The following EHBP1 variants were observed in gnomAD, a reference collection of about 807,000 sequenced individuals.
The protein encoded by EHBP1 is EH domain-binding protein 1.
EHBP1 carries 55 observed loss-of-function variants against 144.0 expected under a neutral mutation model. The ratio of observed to expected loss-of-function variants is 0.38; its 90% CI spans 0.31 to 0.48. EHBP1 has a LOEUF of 0.48. Ranked by LOEUF, EHBP1 falls within the 20% of genes least tolerant of loss-of-function variation. EHBP1 has a pLI of 0.98. For missense variants in EHBP1, 1,200 were observed against 1,364.2 expected, an observed-to-expected ratio of 0.88 and a Z score of 1.90; for synonymous variants, 469 against 472.7, an observed-to-expected ratio of 0.99 and a Z score of 0.10.
intron 7 of EHBP1, among the ~76,000 whole-genome samples, chr2:62,840,578 G>A (rs960757794): frequency 2.6e-5 from 4 of 151,454 alleles, no homozygotes; most frequent in South Asian, 4.2e-4. Flanking sequence ...GAAAATTTTC[G>A]CAACCTACTC....
intron 9 of EHBP1, among the ~76,000 whole-genome samples, chr2:62,868,221 T>C (rs1290905108): frequency 1.3e-5 from 2 of 151,768 alleles, no homozygotes; most frequent in Non-Finnish European, 2.9e-5. Context: ...CTAAAAAAAA[T>C]ACAAAAACTT....
intron 19 of EHBP1, among the ~76,000 whole-genome samples, chr2:63,020,430 G>A (rs1392706477): frequency 2.0e-5 from 3 of 150,834 alleles, no homozygotes; most frequent in African/African-American, 7.3e-5. Flanking sequence ...TTGAACCCAG[G>A]AGGTGGAGGT....
intron 7 of EHBP1, among the ~76,000 whole-genome samples, chr2:62,834,607 G>A (rs2047071513): frequency 1.3e-5 from 2 of 152,172 alleles, no homozygotes; most frequent in Non-Finnish European, 2.9e-5. Context: ...TATGCACTGG[G>A]AAGCCAAAAA....
Position 62,891,459 on chromosome 2 carries a change from A to G in EHBP1, c.1185+16927A>G, listed in dbSNP as rs540153243. On this transcript the variant is annotated intron_variant, in intron 10 of 22. Coordinates refer to ENST00000431489, the MANE Select transcript of EHBP1 (RefSeq NM_001142616.3). The stretch of plus-strand genomic sequence containing the variant: ...AACTTGGAGAAGAGTCTCAAAAGCA[A>G]TCATAGCACAATTGAGTTAATGGAG... Among the ~76,000 whole-genome samples, 16 of 152,314 alleles carry G rather than the reference A, an allele frequency of 1.1e-4. No homozygotes were observed. The South Asian group carries it at 2.5e-3, about 24-fold the overall frequency.
intron 2 of EHBP1, among the ~76,000 whole-genome samples, chr2:62,742,228 C>T (rs938918153): frequency 4.6e-5 from 7 of 152,028 alleles, no homozygotes; most frequent in African/African-American, 1.7e-4. Context: ...CTCTATCTAT[C>T]GTTAAGCAGA....
intron 10 of EHBP1, among the ~76,000 whole-genome samples, chr2:62,884,237 C>A (rs1353323168): frequency 6.6e-6 from 1 of 152,138 alleles, no homozygotes; most frequent in East Asian, 1.9e-4. Flanking sequence ...CATGTTTTAA[C>A]TTCCTATATT....
At chr2:62,699,333 A>G (rs555313799) in intron 1 of EHBP1, among the ~76,000 whole-genome samples, 2 of 152,362 alleles carry the variant, frequency 1.3e-5, no homozygotes, top group South Asian at 2.1e-4. Flanking sequence ...AATGACCAGT[A>G]AGTCTTGGTC....
chr2:62,846,310 G>A (rs1464975508), intron 7 of EHBP1, among the ~76,000 whole-genome samples: 1 of 152,122 alleles, frequency 6.6e-6, no homozygotes, highest in East Asian at 1.9e-4. Flanking sequence ...GAGCCAGAAG[G>A]CAATTAATAT....
chr2:62,792,281 C>A (rs1246459325), intron 5 of EHBP1, among the ~76,000 whole-genome samples: 2 of 152,050 alleles, frequency 1.3e-5, no homozygotes, highest in East Asian at 3.8e-4. Context: ...AGATCTCCCC[C>A]TCTAAGCCAG....
chr2:62,826,869 A>G (rs1014262625), intron 6 of EHBP1, among the ~76,000 whole-genome samples: 4 of 152,208 alleles, frequency 2.6e-5, no homozygotes, highest in Non-Finnish European at 5.9e-5. Flanking sequence ...AGGTGAACAT[A>G]CCTACAAAGC....
intron 7 of EHBP1, among the ~76,000 whole-genome samples, chr2:62,850,132 G>T (rs1267456431): frequency 1.3e-5 from 2 of 152,180 alleles, no homozygotes; most frequent in Non-Finnish European, 2.9e-5. Flanking sequence ...CATATTTATG[G>T]GTTTAAGCCT....
chr2:62,763,463 A>G (rs1367414163), intron 3 of EHBP1, among the ~76,000 whole-genome samples: 4 of 152,246 alleles, frequency 2.6e-5, no homozygotes, highest in Non-Finnish European at 5.9e-5. Context: ...TAACATAAGT[A>G]AATTCTTAAG....
chr2:62,993,738 T>C (rs1574397811), intron 17 of EHBP1, 70 bp downstream of exon 17: 10 of 711,072 alleles, frequency 1.4e-5, no homozygotes, highest in East Asian at 8.2e-5. Context: ...ATATAGTATA[T>C]ATATATAGTA....
At chr2:62,780,109 T>C (rs570322856) in intron 5 of EHBP1, among the ~76,000 whole-genome samples, 3 of 152,298 alleles carry the variant, frequency 2.0e-5, no homozygotes, top group Admixed American at 6.5e-5. Flanking sequence ...AACTGCCTTT[T>C]AGATGATCTC....
chr2:62,737,367 G>A (rs1344083134), intron 2 of EHBP1, among the ~76,000 whole-genome samples: 1 of 152,084 alleles, frequency 6.6e-6, no homozygotes, highest in Non-Finnish European at 1.5e-5. Context: ...TTTCCCCCGC[G>A]ACTGGGTCCC....
intron 5 of EHBP1, among the ~76,000 whole-genome samples, chr2:62,820,737 A>AATATATATATATATATAT (rs57039974): frequency 1.5e-4 from 8 of 54,642 alleles, no homozygotes; most frequent in Admixed American, 2.8e-4. Flanking sequence ...GTGTGTGTAT[A>AATATATATATATATATAT]ATATATATAT....
At position 63,038,740 on chromosome 2, in the gene EHBP1, C is replaced by A. The variant is rs2061543947; in HGVS notation, c.3204-3C>A. The A allele has an allele frequency of 6.2e-7, 1 of 1,612,284 alleles. No individual in the cohort carries two copies. Among genetic ancestry groups the A allele is most frequent in the African/African-American group, 1.3e-5 (1 of 74,738 alleles). On this transcript the variant is annotated splice_region_variant and splice_polypyrimidine_tract_variant and intron_variant, in intron 20 of 22. Transcript: ENST00000431489. ...TATTGATGAACTTTTGCAACTTGCC[C>A]AGGGAAAAAGAACATGATTTAGAAC...
At chr2:62,868,091 T>G (rs1050507580) in intron 9 of EHBP1, among the ~76,000 whole-genome samples, 4 of 152,074 alleles carry the variant, frequency 2.6e-5, no homozygotes, top group African/African-American at 9.7e-5. Context: ...AACTGAAGAT[T>G]CAGCCAGGCA....
intron 9 of EHBP1, among the ~76,000 whole-genome samples, chr2:62,869,826 A>C (rs954566146): frequency 2.0e-5 from 3 of 152,248 alleles, no homozygotes; most frequent in Non-Finnish European, 2.9e-5. Context: ...AAAGAACAGC[A>C]ATCTTTAACT....
Sources: allele counts gnomAD v4.1 joint callset (sites outside exome capture counted in the v4.1 genomes callset), GRCh38; gene constraint gnomAD v4.1.1; transcripts MANE v1.5; gene names NCBI Gene and HGNC (gene_info 2026-07-23, HGNC 2026-07-21).